DLGAP1: variants seen among roughly 807,000 people sequenced by gnomAD.
The protein encoded by DLGAP1 is disks large-associated protein 1.
Under a neutral mutation model 90.8 loss-of-function variants are expected in DLGAP1, and 11 were observed. The observed-to-expected ratio is 0.12, with a 90% confidence interval of 0.08 to 0.20. DLGAP1 has a LOEUF of 0.20. DLGAP1 is among the 10% of genes least tolerant of loss of function. DLGAP1 has a pLI of 1.00. For synonymous variants in DLGAP1, 558 were observed against 540.7 expected, an observed-to-expected ratio of 1.03 and a Z score of -0.44; for missense variants, 1,050 against 1,333.8, an observed-to-expected ratio of 0.79 and a Z score of 3.31.
chr18:3,739,888 G>A (rs2062827552), intron 6 of DLGAP1, among the ~76,000 whole-genome samples: 1 of 152,202 alleles, frequency 6.6e-6, no homozygotes, highest in African/African-American at 2.4e-5. Flanking sequence ...TTTTACCTAA[G>A]GCCGAATGGC....
At chr18:3,693,288 A>G (rs569378416) in intron 7 of DLGAP1, among the ~76,000 whole-genome samples, 25 of 151,366 alleles carry the variant, frequency 1.7e-4, no homozygotes, top group Non-Finnish European at 2.5e-4. Context: ...GGGTCTCCCT[A>G]TGTTGCTCAG....
At chr18:4,330,433 T>C (rs2080923407) in intron 1 of DLGAP1, among the ~76,000 whole-genome samples, 1 of 151,850 alleles carries the variant, frequency 6.6e-6, no homozygotes, top group African/African-American at 2.4e-5. Context: ...TTTCTTGCCA[T>C]ATAGTCTCTT....
intron 10 of DLGAP1, among the ~76,000 whole-genome samples, chr18:3,521,799 T>C (rs1003130460): frequency 6.6e-6 from 1 of 152,236 alleles, no homozygotes; most frequent in Non-Finnish European, 1.5e-5. Flanking sequence ...ACTGAAGGAA[T>C]ATGCTTTGAA....
chr18:3,719,911 T>C (rs780250357), intron 7 of DLGAP1, among the ~76,000 whole-genome samples: 1 of 152,212 alleles, frequency 6.6e-6, no homozygotes, highest in Non-Finnish European at 1.5e-5. Context: ...AATTTCATTA[T>C]GGGACAAATA....
At chr18:3,903,393 T>G (rs2071827400) in intron 3 of DLGAP1, among the ~76,000 whole-genome samples, 1 of 152,200 alleles carries the variant, frequency 6.6e-6, no homozygotes, top group South Asian at 2.1e-4. Flanking sequence ...AACCATTATT[T>G]GTAATTAAGT....
At chr18:3,917,682 C>T (rs2072177267) in intron 3 of DLGAP1, among the ~76,000 whole-genome samples, 1 of 152,108 alleles carries the variant, frequency 6.6e-6, no homozygotes, top group South Asian at 2.1e-4. Flanking sequence ...AGAAGACTGG[C>T]TCTGACAATT....
chr18:4,439,370 A>C lies in DLGAP1; in HGVS notation c.-267+15636T>G, dbSNP rs2083475807. Among the ~76,000 whole-genome samples the C allele has an allele frequency of 3.9e-5, 6 of 152,360 alleles. No homozygotes were observed. The South Asian group carries it at 1.2e-3, about 32-fold the overall frequency. On this transcript the variant is annotated intron_variant, in intron 1 of 12. Coordinates refer to ENST00000315677, the MANE Select transcript of DLGAP1 (RefSeq NM_004746.4). ...AGTTAAAACATGCCTAGTTGTTATT[A>C]TAAGCAAGAAATTAAGCCATTGAGC... is the stretch of plus-strand genomic sequence containing the variant.
At chr18:4,319,489 A>G (rs539968681) in intron 1 of DLGAP1, among the ~76,000 whole-genome samples, 1 of 152,322 alleles carries the variant, frequency 6.6e-6, no homozygotes, top group Admixed American at 6.5e-5. Flanking sequence ...GGTCATATTA[A>G]TAATCAGAAG....
chr18:4,157,766 G>C (rs1044996019), intron 1 of DLGAP1, among the ~76,000 whole-genome samples: 3 of 152,134 alleles, frequency 2.0e-5, no homozygotes, highest in African/African-American at 7.2e-5. Flanking sequence ...CAATTCATGG[G>C]AGTCTGGTGA....
intron 1 of DLGAP1, among the ~76,000 whole-genome samples, chr18:4,199,798 T>A (rs1443905498): frequency 6.6e-6 from 1 of 152,238 alleles, no homozygotes; most frequent in Non-Finnish European, 1.5e-5. Context: ...ATTCTTGATG[T>A]TATAAAAAGA....
intron 2 of DLGAP1, among the ~76,000 whole-genome samples, chr18:4,142,027 T>G (rs985924518): frequency 6.6e-6 from 1 of 152,152 alleles, no homozygotes; most frequent in African/African-American, 2.4e-5. Flanking sequence ...GTCTTGATGT[T>G]TGTGGTTGTT....
chr18:4,080,727 T>G (rs1411678323), intron 2 of DLGAP1, among the ~76,000 whole-genome samples: 1 of 152,182 alleles, frequency 6.6e-6, no homozygotes, highest in East Asian at 1.9e-4. Flanking sequence ...CCATAACCTG[T>G]CTTGCCGCGA....
At chr18:4,373,688 T>C (rs1374165058) in intron 1 of DLGAP1, among the ~76,000 whole-genome samples, 1 of 152,202 alleles carries the variant, frequency 6.6e-6, no homozygotes, top group African/African-American at 2.4e-5. Flanking sequence ...AATTTTCAGT[T>C]GACACCTTTA....
chr18:4,171,991 T>A (rs1472420531), intron 1 of DLGAP1, among the ~76,000 whole-genome samples: 1 of 152,142 alleles, frequency 6.6e-6, no homozygotes, highest in Non-Finnish European at 1.5e-5. Flanking sequence ...TTCTAGCACT[T>A]GAGATAAAGA....
At chr18:4,354,499 T>C (rs1406763526) in intron 1 of DLGAP1, among the ~76,000 whole-genome samples, 1 of 152,186 alleles carries the variant, frequency 6.6e-6, no homozygotes, top group Non-Finnish European at 1.5e-5. Context: ...TCATTGAACC[T>C]AAGCATAAAA....
intron 7 of DLGAP1, among the ~76,000 whole-genome samples, chr18:3,690,848 G>A (rs550965274): frequency 6.6e-6 from 1 of 152,274 alleles, no homozygotes; most frequent in African/African-American, 2.4e-5. Context: ...AATCACTGAG[G>A]CCAAGACTTA....
At chr18:4,442,157 A>AT in intron 1 of DLGAP1, among the ~76,000 whole-genome samples, 1 of 151,974 alleles carries the variant, frequency 6.6e-6, no homozygotes, top group Non-Finnish European at 1.5e-5. Flanking sequence ...ATGCCGGGAT[A>AT]TTTTTTTATT....
In DLGAP1 at chr18:4,357,059, GTCTC is replaced by G. The variant is rs367609548; in HGVS notation, c.-267+97943_-267+97946del. 4.5e-4 allele frequency among the ~76,000 whole-genome samples: 63 copies of G among 138,866 alleles called. 2 individuals are homozygous for G. The South Asian group carries it at 8.5e-3, about 19-fold the overall frequency. The allele number at this position is 138,866 out of a possible 152,430, so 91.1% of individuals were successfully genotyped here. A position where few individuals can be genotyped will look rare whatever the true frequency, so the allele number is the denominator to read the frequency against. ...CAAAGGACTCATCATCTGTCTGTCTGTCTCTCTCTCTCTCTGTGTATATACGTGT... is the reference window on the plus strand; with the variant it reads ...CAAAGGACTCATCATCTGTCTGTCTGTCTCTCTCTCTGTGTATATACGTGT... On this transcript the variant is annotated intron_variant, in intron 1 of 12. Transcript: ENST00000315677.
intron 10 of DLGAP1, among the ~76,000 whole-genome samples, chr18:3,513,374 CT>C (rs1356764075): frequency 6.6e-6 from 1 of 152,188 alleles, no homozygotes; most frequent in Non-Finnish European, 1.5e-5. Context: ...ACATGGGGTC[CT>C]ATAGCCCTGA....
Sources: gnomAD v4.1 joint callset for allele counts (sites outside exome capture counted in the v4.1 genomes callset) on GRCh38, gnomAD v4.1.1 for gene constraint, MANE v1.5 for transcripts, NCBI Gene and HGNC (gene_info 2026-07-23, HGNC 2026-07-21) for gene names.